LAPTM4B: variants seen among roughly 807,000 people sequenced by gnomAD.
LAPTM4B encodes the protein lysosomal-associated transmembrane protein 4B.
LAPTM4B carries 26 observed loss-of-function variants against 28.5 expected under a neutral mutation model. That is an observed-to-expected ratio of 0.91 (90% CI 0.67 to 1.27). LAPTM4B has a LOEUF of 1.27. Ranked by LOEUF, LAPTM4B falls within the 50% of genes most tolerant of loss-of-function variation. The pLI is 0.00. For synonymous variants in LAPTM4B, 109 were observed against 106.4 expected (o/e 1.02, Z -0.15); for missense variants, 288 against 285.8 (o/e 1.01, Z -0.06).
intron 2 of LAPTM4B, among the ~76,000 whole-genome samples, chr8:97,810,425 T>C (rs574926262): frequency 2.0e-5 from 3 of 152,188 alleles, no homozygotes; most frequent in Non-Finnish European, 4.4e-5. Flanking sequence ...TTTCCTGGTT[T>C]TGGTAGTTAT....
chr8:97,788,423 AT>A, intron 1 of LAPTM4B: 1 of 220,612 alleles, frequency 4.5e-6, no homozygotes. Flanking sequence ...CTAATTTTCT[AT>A]TTTTAGTAGA....
chr8:97,850,295 T>C (rs1437612562), intron 6 of LAPTM4B, among the ~76,000 whole-genome samples: 1 of 151,842 alleles, frequency 6.6e-6, no homozygotes, highest in East Asian at 1.9e-4. Flanking sequence ...CCATACAGGC[T>C]TTTCGGGGGC....
intron 2 of LAPTM4B, among the ~76,000 whole-genome samples, chr8:97,810,881 GTC>G (rs1816816089): frequency 6.6e-6 from 1 of 152,190 alleles, no homozygotes; most frequent in Non-Finnish European, 1.5e-5. Context: ...TATATATACA[GTC>G]ACCTGATTTA....
chr8:97,828,051 G>T (rs2513961), intron 6 of LAPTM4B, among the ~76,000 whole-genome samples: 1 of 152,102 alleles, frequency 6.6e-6, no homozygotes, highest in Non-Finnish European at 1.5e-5. Context: ...AGGCCTTCTG[G>T]ATGTATACGT....
intron 6 of LAPTM4B, among the ~76,000 whole-genome samples, chr8:97,837,831 T>A (rs1475541225): frequency 6.6e-6 from 1 of 152,198 alleles, no homozygotes; most frequent in African/African-American, 2.4e-5. Context: ...CCTGTCATTA[T>A]TGGCTTTCAA....
At chr8:97,803,674 G>A (rs1016907198) in intron 1 of LAPTM4B, among the ~76,000 whole-genome samples, 1 of 152,128 alleles carries the variant, frequency 6.6e-6, no homozygotes, top group Non-Finnish European at 1.5e-5. Context: ...TTTGAGGGAA[G>A]GTCTTACTAT....
At chr8:97,839,151 A>C (rs1281617661) in intron 6 of LAPTM4B, among the ~76,000 whole-genome samples, 1 of 151,190 alleles carries the variant, frequency 6.6e-6, no homozygotes, top group Admixed American at 6.6e-5. Flanking sequence ...CTCGGCTCCT[A>C]TTTCTTTCCT....
At chr8:97,794,774 C>T (rs1460591459) in intron 1 of LAPTM4B, among the ~76,000 whole-genome samples, 1 of 152,148 alleles carries the variant, frequency 6.6e-6, no homozygotes, top group Non-Finnish European at 1.5e-5. Context: ...AGTGCAATGG[C>T]GTGATCTTGG....
chr8:97,816,896 C>T (rs1000858973), intron 4 of LAPTM4B, among the ~76,000 whole-genome samples: 2 of 151,620 alleles, frequency 1.3e-5, no homozygotes, highest in Non-Finnish European at 2.9e-5. Context: ...GCCAAGATCA[C>T]GCCACTGCAC....
At chr8:97,837,332 A>G (rs1475907063) in intron 6 of LAPTM4B, among the ~76,000 whole-genome samples, 1 of 151,690 alleles carries the variant, frequency 6.6e-6, no homozygotes, top group Non-Finnish European at 1.5e-5. Context: ...AGCTGGGACT[A>G]CAGGCACATG....
intron 4 of LAPTM4B, 91 bp downstream of exon 4, chr8:97,816,271 A>T (rs1462293051): frequency 4.0e-6 from 5 of 1,255,690 alleles, no homozygotes; most frequent in Non-Finnish European, 5.4e-6. Flanking sequence ...ACAGACATTA[A>T]TTTCAGGATT....
intron 6 of LAPTM4B, among the ~76,000 whole-genome samples, chr8:97,848,762 G>A (rs1247789215): frequency 1.3e-5 from 2 of 152,200 alleles, no homozygotes; most frequent in Non-Finnish European, 2.9e-5. Context: ...TTGTGGTGAA[G>A]CTCAGTCTTG....
chr8:97,846,486 C>T (rs1817436610), intron 6 of LAPTM4B, among the ~76,000 whole-genome samples: 1 of 152,226 alleles, frequency 6.6e-6, no homozygotes, highest in Admixed American at 6.6e-5. Flanking sequence ...CGCCACCACG[C>T]CCAGCTAACT....
chr8:97,802,679 C>T (rs1816702321), intron 1 of LAPTM4B, among the ~76,000 whole-genome samples: 3 of 152,166 alleles, frequency 2.0e-5, no homozygotes, highest in South Asian at 4.1e-4. Flanking sequence ...TACCAAGCCC[C>T]TGTTCATAAT....
intron 6 of LAPTM4B, among the ~76,000 whole-genome samples, chr8:97,845,275 C>T (rs1817410107): frequency 6.6e-6 from 1 of 151,836 alleles, no homozygotes; most frequent in African/African-American, 2.4e-5. Flanking sequence ...CTGTAGTGTA[C>T]ATTCCCTTTC....
intron 6 of LAPTM4B, among the ~76,000 whole-genome samples, chr8:97,843,402 C>T (rs377443736): frequency 5.0e-4 from 76 of 152,144 alleles, no homozygotes; most frequent in Middle Eastern, 3.4e-3. Context: ...ACTGAGACTC[C>T]GTCTCAAACC....
chr8:97,817,099 AG>A (rs1308973888), intron 4 of LAPTM4B, among the ~76,000 whole-genome samples: 1 of 152,256 alleles, frequency 6.6e-6, no homozygotes, highest in East Asian at 1.9e-4. Flanking sequence ...TATTGGTGGC[AG>A]GGTATTAAGA....
intron 1 of LAPTM4B, among the ~76,000 whole-genome samples, 183 bp downstream of exon 1, chr8:97,776,291 G>T (rs1241562841): frequency 6.7e-6 from 1 of 150,048 alleles, no homozygotes; most frequent in Admixed American, 6.6e-5. Context: ...GACTGGGGGA[G>T]GCCAGGAGTT....
At chr8:97,778,747 C>T (rs115390647) in intron 1 of LAPTM4B, among the ~76,000 whole-genome samples, 183 of 152,154 alleles carry the variant, frequency 1.2e-3, no homozygotes, top group African/African-American at 4.2e-3. Flanking sequence ...TCTCCCCCTC[C>T]CCTTTCTGAA....
Sources: gnomAD v4.1 joint callset for allele counts (sites outside exome capture counted in the v4.1 genomes callset) on GRCh38, gnomAD v4.1.1 for gene constraint, MANE v1.5 for transcripts, NCBI Gene and HGNC (gene_info 2026-07-23, HGNC 2026-07-21) for gene names.